Variants in LOX observed in about 807,000 individuals in gnomAD.
LOX encodes protein-lysine 6-oxidase.
Under a neutral mutation model 50.5 loss-of-function variants are expected in LOX, and 12 were observed. The ratio of observed to expected loss-of-function variants is 0.24; its 90% confidence interval spans 0.15 to 0.38. The LOEUF is 0.38. Ranked by LOEUF, LOX falls within the 10% of genes least tolerant of loss-of-function variation. The pLI is 1.00. For missense variants in LOX, 504 were observed against 563.8 expected (o/e 0.89, Z 1.07); for synonymous variants, 254 against 230.6 (o/e 1.10, Z -0.92).
chr5:122,077,338 G>T lies in LOX; in HGVS notation c.631+17C>A, dbSNP rs910089581. On this transcript the variant is annotated intron_variant, in intron 1 of 6. Transcript: ENST00000231004. This position sits in a 1 kb window ranked among gnomAD's most constrained non-coding sequence, Gnocchi z 4.9. ...ACCAGGTGCACGGGTGCTTCCAGCG[G>T]ACTTGGGGGTACTTACCGTACTGGA... The T allele has an allele frequency of 1.2e-6, 2 of 1,613,432 alleles. No individual in the cohort carries two copies. Among genetic ancestry groups the T allele is most frequent in the African/African-American group, 1.3e-5 (1 of 74,940 alleles).
chr5:122,071,191 ATATG>A (rs1340296355), intron 4 of LOX, among the ~76,000 whole-genome samples: 69 of 118,662 alleles, frequency 5.8e-4, no homozygotes, highest in African/African-American at 2.5e-3. Context: ...GTAAACATTT[ATATG>A]TGTGTGTGTG....
intron 2 of LOX, 84 bp from the exon 3 acceptor site, chr5:122,075,625 G>A (rs1386796722): frequency 5.7e-6 from 5 of 881,716 alleles, no homozygotes; most frequent in East Asian, 2.7e-5. Context: ...CCATTATATA[G>A]TAGTGACAAT....
At chr5:122,073,198 C>T (rs533056503) in intron 4 of LOX, among the ~76,000 whole-genome samples, 25 of 152,198 alleles carry the variant, frequency 1.6e-4, no homozygotes, top group East Asian at 1.9e-4. Flanking sequence ...AAGATCTGGG[C>T]GGGAGTCAAA....
chr5:122,070,596 TAAAC>T lies in LOX; in HGVS notation c.1036-11_1036-8del, dbSNP rs750669899. 1.3e-5 allele frequency: 19 copies of T among 1,491,854 alleles called. No homozygotes were observed. Among genetic ancestry groups the T allele is most frequent in the Non-Finnish European group, 1.7e-5 (18 of 1,079,706 alleles). The allele number at this position is 1,491,854 out of a possible 1,614,324, so 92.4% of individuals were successfully genotyped here. On this transcript the variant is annotated splice_polypyrimidine_tract_variant and splice_region_variant and intron_variant, in intron 4 of 6. Transcript: ENST00000231004. The stretch of plus-strand genomic sequence containing the variant: ...AACAGCCAGGACTCAATCCCTAAGA[TAAAC>T]AAAATAAAAAATTTAAAATTATGGT...
At position 122,077,788 on chromosome 5, in the gene LOX, A is replaced by G. The variant is rs769991965; in HGVS notation, c.198T>C (p.Pro66=). 3 of 1,548,646 alleles carry G rather than the reference A, an allele frequency of 1.9e-6. No individual in the cohort carries two copies. In the African/African-American group the frequency reaches 4.1e-5, roughly 21 times the overall value. ...CGGCGCCCGGGTCCCGGCGGCGCTG[A>G]GGCTGGTACTGTGAGCCCAGGCTCA... ...SLLSLGSQYQ[P]QRRRDPGAAV... The change falls in exon 1 of 7, where the codon CCT becomes CCC. Residue 66 remains proline, a synonymous_variant. Transcript: ENST00000231004. The surrounding 1 kb of genome is among the most constrained non-coding windows in gnomAD (Gnocchi z 4.9).
rs1273144840 is a variant in LOX, at chr5:122,064,280, G to A, written c.*2463C>T. ...CAACTAATTATTATCTTTGAGTTTC[G>A]GCAGTTATTCAGAGAAGAGATTCAA... On this transcript the variant is annotated 3_prime_UTR_variant, in exon 7 of 7. Transcript: ENST00000231004. 1.3e-5 allele frequency: 2 copies of A among 151,274 alleles called. No homozygotes were observed. The highest frequency in any genetic ancestry group is 6.6e-5 in the Admixed American group (1 of 15,164). 9.4% of individuals were successfully genotyped at this position (151,274 alleles called of 1,614,324 possible). A position where few individuals can be genotyped will look rare whatever the true frequency, so the allele number is the denominator to read the frequency against.
chr5:122,076,878 C>T lies in LOX; in HGVS notation c.740+15G>A. Reference sequence around the variant, plus strand: ...GTAGACCGGGGAGCGGGGCCTCAGACATATCAGCCCGTACCTGGCCAGACA... The same window carrying T: ...GTAGACCGGGGAGCGGGGCCTCAGATATATCAGCCCGTACCTGGCCAGACA... On this transcript the variant is annotated intron_variant, in intron 2 of 6. Coordinates refer to ENST00000231004, the MANE Select transcript of LOX (RefSeq NM_002317.7). The T allele has an allele frequency of 2.5e-6, 4 of 1,612,350 alleles. No homozygotes were observed. The highest frequency in any genetic ancestry group is 3.4e-6 in the Non-Finnish European group (4 of 1,178,530).
In LOX at chr5:122,077,031, G is replaced by T. The variant is rs1561420852; in HGVS notation, c.632-30C>A. 4 of 1,609,424 alleles carry T rather than the reference G, an allele frequency of 2.5e-6. No individual in the cohort carries two copies. In the Admixed American group the frequency reaches 5.0e-5, roughly 20 times the overall value. On this transcript the variant is annotated intron_variant, in intron 1 of 6. Transcript: ENST00000231004. The surrounding 1 kb of genome is among the most constrained non-coding windows in gnomAD (Gnocchi z 4.9). Reference sequence around the variant, plus strand: ...ACGTCAGCAGGCGACGGGCGCAGCAGTGAAACAACCCGGCGCCCCCCGCTC... The same window carrying T: ...ACGTCAGCAGGCGACGGGCGCAGCATTGAAACAACCCGGCGCCCCCCGCTC...
rs774013156 is a variant in LOX, at chr5:122,070,554, T to G, written c.1071A>C (p.Ala357=). The change falls in exon 5 of 7, where the codon GCA becomes GCC. Residue 357 remains alanine, a synonymous_variant. Transcript: ENST00000231004. ...TATCAATCCACTGGCAGTCTATGTC[T>G]GCACCATAGGTATCATAACAGCCAG... ...LSPGCYDTYG[A]DIDCQWIDIT... is the part of the protein sequence containing the mutation. The G allele has an allele frequency of 6.2e-7, 1 of 1,608,702 alleles. No homozygotes were observed. The highest frequency in any genetic ancestry group is 8.5e-7 in the Non-Finnish European group (1 of 1,176,268).
rs953030522 is a variant in LOX, at chr5:122,063,834, G to A, written c.*2909C>T. On this transcript the variant is annotated 3_prime_UTR_variant, in exon 7 of 7. Coordinates refer to ENST00000231004, the MANE Select transcript of LOX (RefSeq NM_002317.7). ...CTTCTAGAATCCGAATATTGGGAAT[G>A]TTTATAAGTGTGACTATCCTATGAG... 6.6e-6 allele frequency: 1 copy of A among 151,864 alleles called. No homozygotes were observed. The allele number at this position is 151,864 out of a possible 1,614,324, so 9.4% of individuals were successfully genotyped here.
intron 2 of LOX, among the ~76,000 whole-genome samples, chr5:122,075,798 C>A (rs1158708697): frequency 6.6e-6 from 1 of 152,018 alleles, no homozygotes; most frequent in Admixed American, 6.6e-5. Context: ...ATCCACAGAT[C>A]TTAACAGTAA....
Position 122,077,992 on chromosome 5 carries a change from T to C in LOX, c.-7A>G, listed in dbSNP as rs1443575605. ...CGGTCCAGGCGAAGCGCATCACTCCTTTTGCCAGATTGACCCCGCTCGAGG... is the reference window on the plus strand; with the variant it reads ...CGGTCCAGGCGAAGCGCATCACTCCCTTTGCCAGATTGACCCCGCTCGAGG... On this transcript the variant is annotated 5_prime_UTR_variant, in exon 1 of 7. Coordinates refer to ENST00000231004, the MANE Select transcript of LOX (RefSeq NM_002317.7). The surrounding 1 kb of genome is among the most constrained non-coding windows in gnomAD (Gnocchi z 4.9). 2 of 1,444,518 alleles carry C rather than the reference T, an allele frequency of 1.4e-6. No individual in the cohort carries two copies. The highest frequency in any genetic ancestry group is 1.8e-6 in the Non-Finnish European group (2 of 1,101,114). The allele number at this position is 1,444,518 out of a possible 1,614,324, so 89.5% of individuals were successfully genotyped here. A position where few individuals can be genotyped will look rare whatever the true frequency, so the allele number is the denominator to read the frequency against.
rs1202104711 is a variant in LOX at position 122,066,632 on chromosome 5, T to G, written c.*111A>C. 1.1e-6 allele frequency: 1 copy of G among 882,634 alleles called. No individual in the cohort carries two copies. Among genetic ancestry groups the G allele is most frequent in the Non-Finnish European group, 1.8e-6 (1 of 554,052 alleles). 54.7% of individuals were successfully genotyped at this position (882,634 alleles called of 1,614,324 possible). A position where few individuals can be genotyped will look rare whatever the true frequency, so the allele number is the denominator to read the frequency against. ...ACAGTCCAAACAAAAATTCTTTTGT[T>G]GTTTTCTGTTCTCTTTTTCAAAATA... On this transcript the variant is annotated 3_prime_UTR_variant, in exon 7 of 7. Transcript: ENST00000231004.
At chr5:122,071,406 C>A (rs1208370453) in intron 4 of LOX, among the ~76,000 whole-genome samples, 1 of 152,140 alleles carries the variant, frequency 6.6e-6, no homozygotes, top group Non-Finnish European at 1.5e-5. Flanking sequence ...ACTATACTCT[C>A]TCTCATACAG....
Position 122,064,604 on chromosome 5 carries a change from T to C in LOX, c.*2139A>G, listed in dbSNP as rs1754249603. ...AATAAATTATGGTCATGAAAAACAA[T>C]AGTGCTTAAAATTGAAATTTCATAG... On this transcript the variant is annotated 3_prime_UTR_variant, in exon 7 of 7. Coordinates refer to ENST00000231004, the MANE Select transcript of LOX (RefSeq NM_002317.7). 1 of 151,960 alleles carries C rather than the reference T, an allele frequency of 6.6e-6. No homozygotes were observed. The highest frequency in any genetic ancestry group is 1.5e-5 in the Non-Finnish European group (1 of 67,924). 9.4% of individuals were successfully genotyped at this position (151,960 alleles called of 1,614,324 possible). A position where few individuals can be genotyped will look rare whatever the true frequency, so the allele number is the denominator to read the frequency against.
In LOX at chr5:122,070,528, A is replaced by G. The variant is rs762424348; in HGVS notation, c.1097T>C (p.Ile366Thr). ...GADIDCQWID[I>T]TDVKPGNYIL... ...ATAGTTTCCAGGTTTTACATCTGTA[A>G]TATCAATCCACTGGCAGTCTATGTC... Residue 366 changes from isoleucine (I) to threonine (T), a missense_variant, in exon 5 of 7, where the codon ATT becomes ACT. Coordinates refer to ENST00000231004, the MANE Select transcript of LOX (RefSeq NM_002317.7). 6.2e-7 allele frequency: 1 copy of G among 1,608,472 alleles called. No individual in the cohort carries two copies. Among genetic ancestry groups the G allele is most frequent in the Admixed American group, 1.7e-5 (1 of 59,868 alleles).
At chr5:122,074,480 C>T (rs1396859496) in intron 3 of LOX, among the ~76,000 whole-genome samples, 2 of 152,174 alleles carry the variant, frequency 1.3e-5, no homozygotes, top group African/African-American at 4.8e-5. Context: ...TTAAGTGAAA[C>T]TTGCCCTGTG....
chr5:122,075,262 A>C, intron 3 of LOX, 142 bp downstream of exon 3: 1 of 729,550 alleles, frequency 1.4e-6, no homozygotes. Flanking sequence ...GGTTATGTGA[A>C]ATTACATAGA....
At chr5:122,068,174 TAA>T (rs10650287) in intron 6 of LOX, among the ~76,000 whole-genome samples, 1 of 115,876 alleles carries the variant, frequency 8.6e-6, no homozygotes. Flanking sequence ...TAATAACTAG[TAA>T]AAAAAAAAAA....
Sources: gnomAD v4.1 joint callset for allele counts (sites outside exome capture counted in the v4.1 genomes callset) on GRCh38, gnomAD v4.1.1 for gene constraint, Gnocchi (gnomAD v3.1) non-coding constraint, MANE v1.5 for transcripts, NCBI Gene and HGNC (gene_info 2026-07-23, HGNC 2026-07-21) for gene names.